Variants in RB1 observed in about 807,000 individuals in gnomAD.
The protein encoded by RB1 is RB transcriptional corepressor 1, also known as retinoblastoma-associated protein.
RB1 carries 18 observed loss-of-function variants against 135.4 expected under a neutral mutation model. The observed-to-expected ratio is 0.13, with a 90% confidence interval of 0.09 to 0.20. The LOEUF is 0.20. RB1 is among the 10% of genes least tolerant of loss of function. The pLI, the probability that RB1 is intolerant of heterozygous loss-of-function variation, is 1.00. For synonymous variants in RB1, 365 were observed against 373.2 expected, an observed-to-expected ratio of 0.98 and a Z score of 0.25; for missense variants, 868 against 1,110.0, an observed-to-expected ratio of 0.78 and a Z score of 3.10.
chr13:48,446,701 A>G (rs1949290361), intron 17 of RB1, among the ~76,000 whole-genome samples: 1 of 152,190 alleles, frequency 6.6e-6, no homozygotes, highest in Non-Finnish European at 1.5e-5. Flanking sequence ...GGCAGAGGAA[A>G]CAGCAAGTAC....
At chr13:48,358,176 A>G (rs773399943) in intron 6 of RB1, among the ~76,000 whole-genome samples, 8 of 152,114 alleles carry the variant, frequency 5.3e-5, no homozygotes, top group Non-Finnish European at 8.8e-5. Context: ...TCTTAGTGCA[A>G]GCACTCATAG....
At chr13:48,433,764 C>A (rs1360242727) in intron 17 of RB1, among the ~76,000 whole-genome samples, 4 of 150,982 alleles carry the variant, frequency 2.6e-5, no homozygotes, top group Non-Finnish European at 4.4e-5. Context: ...TTAAACTAGA[C>A]AAATAAGGAC....
chr13:48,402,682 A>G (rs1488870700), intron 17 of RB1, among the ~76,000 whole-genome samples: 1 of 152,054 alleles, frequency 6.6e-6, no homozygotes, highest in East Asian at 1.9e-4. Flanking sequence ...GCCTACAGAA[A>G]CTATTTATAT....
chr13:48,304,980 C>T (rs958614630), intron 1 of RB1, among the ~76,000 whole-genome samples: 5 of 152,098 alleles, frequency 3.3e-5, no homozygotes, highest in African/African-American at 1.2e-4. Flanking sequence ...CAAGTCCATA[C>T]GAATGCACTA....
chr13:48,367,754 A>C, intron 10 of RB1, 151 bp downstream of exon 10: 1 of 871,028 alleles, frequency 1.1e-6, no homozygotes, highest in South Asian at 1.9e-5. Context: ...GTTTAACAGT[A>C]TTTTAAGCAT....
At chr13:48,475,486 A>C (rs1949498639) in intron 24 of RB1, among the ~76,000 whole-genome samples, 2 of 152,222 alleles carry the variant, frequency 1.3e-5, no homozygotes, top group South Asian at 4.1e-4. Flanking sequence ...GCCCCTCCAT[A>C]GTACTGCTTG....
chr13:48,317,653 G>A, intron 2 of RB1: 1 of 510,796 alleles, frequency 2.0e-6, no homozygotes, highest in Non-Finnish European at 3.1e-6. Flanking sequence ...CCCCTTGGCG[G>A]AGACACTGCC....
At chr13:48,463,979 ATAT>A in intron 21 of RB1, 144 bp downstream of exon 21, 1 of 576,042 alleles carries the variant, frequency 1.7e-6, no homozygotes, top group Non-Finnish European at 3.1e-6. Flanking sequence ...AAAAACTTTT[ATAT>A]TATTTATTTG....
In RB1 at chr13:48,412,584, G is replaced by C. The variant is rs1593484908; in HGVS notation, c.1695+31141G>C. Reference sequence around the variant, plus strand: ...TCCTTTTTCTCAGAAATACCCAAAAGAAACATGAAATTTGTTGCTGTAAAA... The same window carrying C: ...TCCTTTTTCTCAGAAATACCCAAAACAAACATGAAATTTGTTGCTGTAAAA... On this transcript the variant is annotated intron_variant, in intron 17 of 26. Coordinates refer to ENST00000267163, the MANE Select transcript of RB1 (RefSeq NM_000321.3). 8 of 642,392 alleles carry C rather than the reference G, an allele frequency of 1.2e-5. No homozygotes were observed. The East Asian group carries it at 2.2e-4, about 18-fold the overall frequency. The allele number at this position is 642,392 out of a possible 1,614,324, so 39.8% of individuals were successfully genotyped here.
chr13:48,340,346 A>C (rs1268982353), intron 2 of RB1, among the ~76,000 whole-genome samples: 2 of 152,150 alleles, frequency 1.3e-5, no homozygotes, highest in Non-Finnish European at 2.9e-5. Context: ...AAGTCAAAAC[A>C]CAAGCTGCAT....
intron 2 of RB1, chr13:48,317,900 C>T: frequency 2.5e-6 from 1 of 405,056 alleles, no homozygotes; most frequent in South Asian, 2.2e-5. Context: ...TTCCCGAGAG[C>T]AGCAGGGCCC....
chr13:48,463,684 A>G, intron 20 of RB1, 47 bp from the exon 21 acceptor site: 1 of 1,135,584 alleles, frequency 8.8e-7, no homozygotes. Context: ...TAAGAACAAA[A>G]CCATGTAATA....
At position 48,476,681 on chromosome 13, in the gene RB1, A is replaced by G. The variant is rs778990487; in HGVS notation, c.2521-20A>G. The G allele has an allele frequency of 4.4e-6, 7 of 1,608,456 alleles. No homozygotes were observed. The Admixed American group carries it at 1.2e-4, about 27-fold the overall frequency. Reference sequence around the variant, plus strand: ...CACTGGCATTTAATGATTTAAAGTAAAGAATTCTGTAATTTGTAGACTTCT... The same window carrying G: ...CACTGGCATTTAATGATTTAAAGTAGAGAATTCTGTAATTTGTAGACTTCT... On this transcript the variant is annotated intron_variant, in intron 24 of 26. Transcript: ENST00000267163.
At chr13:48,420,243 A>G (rs1235066785) in intron 17 of RB1, among the ~76,000 whole-genome samples, 1 of 152,212 alleles carries the variant, frequency 6.6e-6, no homozygotes, top group Non-Finnish European at 1.5e-5. Context: ...TATGCAAATC[A>G]ATAAACGTAA....
chr13:48,465,424 C>T (rs2138346526), intron 23 of RB1, 56 bp downstream of exon 23: 5 of 1,469,698 alleles, frequency 3.4e-6, no homozygotes, highest in Non-Finnish European at 4.8e-6. Context: ...TTATTTTGAT[C>T]CAAGAATAAA....
chr13:48,390,560 C>T (rs1948602605), intron 17 of RB1, among the ~76,000 whole-genome samples: 1 of 151,988 alleles, frequency 6.6e-6, no homozygotes, highest in South Asian at 2.1e-4. Context: ...CTAGAGAGGT[C>T]CTGAAAGCAA....
chr13:48,318,454 CCTT>C (rs1952204946), intron 2 of RB1: 9 of 1,411,928 alleles, frequency 6.4e-6, no homozygotes, highest in African/African-American at 1.4e-5. Context: ...TCGGAGCTCT[CCTT>C]CTCGTCCAGG....
chr13:48,408,592 G>A (rs1164129968), intron 17 of RB1: 1 of 151,982 alleles, frequency 6.6e-6, no homozygotes, highest in East Asian at 1.9e-4. Context: ...AAGGGGGAAG[G>A]GAAGAGAAAA....
intron 2 of RB1, chr13:48,341,400 G>GT (rs1388825299): frequency 1.3e-5 from 2 of 151,656 alleles, no homozygotes; most frequent in African/African-American, 4.8e-5. Flanking sequence ...CACATATAAT[G>GT]TTTTCATTTC....
Sources: allele counts gnomAD v4.1 joint callset (sites outside exome capture counted in the v4.1 genomes callset), GRCh38; gene constraint gnomAD v4.1.1; transcripts MANE v1.5; gene names NCBI Gene and HGNC (gene_info 2026-07-23, HGNC 2026-07-21).